The following RTL4 variants were observed in gnomAD, a reference collection of about 807,000 sequenced individuals.
RTL4 encodes the protein retrotransposon Gag-like protein 4.
In RTL4, 4 loss-of-function variants were observed where a neutral mutation model predicts 5.3. The observed-to-expected ratio is 0.75, with a 90% CI of 0.37 to 1.72. RTL4 has a LOEUF of 1.72. Ranked by LOEUF, RTL4 falls within the 40% of genes most tolerant of loss-of-function variation. The pLI is 0.04. For missense variants in RTL4, 260 were observed against 227.1 expected (o/e 1.14, Z -0.93); for synonymous variants, 98 against 87.3 (o/e 1.12, Z -0.68).
At chrX:112,300,649 TTGAG>T in the RTL4 span, among the ~76,000 whole-genome samples, 1 of 112,395 alleles carries the variant, frequency 8.9e-6, no homozygotes, top group Non-Finnish European at 1.9e-5. Context: ...ACCATTTTGC[TTGAG>T]TATTTTCTAA....
At chrX:112,208,320 G>T in the RTL4 span, among the ~76,000 whole-genome samples, 1 of 111,988 alleles carries the variant, frequency 8.9e-6, no homozygotes, top group African/African-American at 3.2e-5. Context: ...CACAAGACAT[G>T]TTTGATCTAA....
At chrX:112,289,773 A>ATGTGTG in the RTL4 span, among the ~76,000 whole-genome samples, 13 of 106,019 alleles carry the variant, frequency 1.2e-4, no homozygotes, top group African/African-American at 4.2e-4. Flanking sequence ...TGTATAATAT[A>ATGTGTG]TGTGTGTGTG....
the RTL4 span, among the ~76,000 whole-genome samples, chrX:112,194,712 C>T: frequency 8.9e-6 from 1 of 111,977 alleles, no homozygotes; most frequent in Admixed American, 9.5e-5. Flanking sequence ...GAACAGGAAA[C>T]CACACACTGA....
chrX:112,334,906 T>C, the RTL4 span, among the ~76,000 whole-genome samples: 1 of 112,033 alleles, frequency 8.9e-6, no homozygotes, highest in Admixed American at 9.5e-5. Context: ...TCTTAATTCA[T>C]AACAATGTTG....
chrX:112,309,870 A>C, the RTL4 span, among the ~76,000 whole-genome samples: 1 of 105,791 alleles, frequency 9.5e-6, no homozygotes, highest in Non-Finnish European at 1.9e-5. Context: ...ACATATATAC[A>C]TACATATATA....
the RTL4 span, among the ~76,000 whole-genome samples, chrX:112,212,684 C>T: frequency 2.7e-5 from 3 of 112,255 alleles, no homozygotes; most frequent in Non-Finnish European, 3.8e-5. Flanking sequence ...TTGCTAATGG[C>T]AAAGTTGAAA....
chrX:112,412,868 G>A, the RTL4 span, among the ~76,000 whole-genome samples: 1 of 111,399 alleles, frequency 9.0e-6, no homozygotes, highest in Non-Finnish European at 1.9e-5. Context: ...ATCACAGTAA[G>A]TTACAAAGCT....
the RTL4 span, among the ~76,000 whole-genome samples, chrX:112,356,713 CT>C: frequency 9.0e-6 from 1 of 110,602 alleles, no homozygotes; most frequent in South Asian, 3.8e-4. Context: ...ATAACTTTAT[CT>C]TGTAAGTAAC....
At chrX:112,419,069 C>A in the RTL4 span, among the ~76,000 whole-genome samples, 1,264 of 98,114 alleles carry the variant, frequency 0.013, 26 homozygotes, top group African/African-American at 0.045. Context: ...ATATATATAT[C>A]TGGTGGTATT....
chrX:112,219,835 C>T, the RTL4 span, among the ~76,000 whole-genome samples: 1 of 111,984 alleles, frequency 8.9e-6, no homozygotes, highest in Non-Finnish European at 1.9e-5. Flanking sequence ...TGGTCTAGAG[C>T]CTCTGCCCCT....
chrX:112,119,292 A>G, the RTL4 span, among the ~76,000 whole-genome samples: 6 of 110,705 alleles, frequency 5.4e-5, no homozygotes, highest in African/African-American at 2.0e-4. Flanking sequence ...GTGTTTTTTT[A>G]AAGGAAAAAT....
At chrX:112,223,855 G>A in the RTL4 span, among the ~76,000 whole-genome samples, 2 of 111,761 alleles carry the variant, frequency 1.8e-5, no homozygotes, top group East Asian at 5.6e-4. Flanking sequence ...TACAGATAAT[G>A]TAACCTAGTG....
chrX:112,361,696 G>T, the RTL4 span, among the ~76,000 whole-genome samples: 1 of 110,830 alleles, frequency 9.0e-6, no homozygotes, highest in South Asian at 3.8e-4. Context: ...TGTCCTCCAT[G>T]AGAAGAGTTC....
the RTL4 span, among the ~76,000 whole-genome samples, chrX:112,105,308 A>G: frequency 8.9e-6 from 1 of 111,873 alleles, no homozygotes; most frequent in African/African-American, 3.2e-5. Flanking sequence ...ATATTTTGAA[A>G]TTAAGTACAG....
chrX:112,179,415 T>C, the RTL4 span, among the ~76,000 whole-genome samples: 1 of 111,746 alleles, frequency 8.9e-6, no homozygotes, highest in Non-Finnish European at 1.9e-5. Context: ...TACTTGTGTA[T>C]GCAAAAATGC....
the RTL4 span, among the ~76,000 whole-genome samples, chrX:112,122,169 T>C: frequency 9.0e-6 from 1 of 111,475 alleles, no homozygotes; most frequent in African/African-American, 3.3e-5. Flanking sequence ...AGCCAAAGTA[T>C]GGAATCAACC....
chrX:112,296,838 C>T, the RTL4 span, among the ~76,000 whole-genome samples: 1 of 107,190 alleles, frequency 9.3e-6, no homozygotes, highest in South Asian at 4.2e-4. Context: ...AGGATGGTCT[C>T]GATCTCCTGA....
the RTL4 span, among the ~76,000 whole-genome samples, chrX:112,439,284 T>C: frequency 8.9e-6 from 1 of 111,961 alleles, no homozygotes; most frequent in Non-Finnish European, 1.9e-5. Flanking sequence ...TTCCTCTATC[T>C]TCTGCAGTAA....
the RTL4 span, among the ~76,000 whole-genome samples, chrX:112,432,551 G>A: frequency 1.0e-4 from 10 of 99,015 alleles, no homozygotes; most frequent in Admixed American, 3.4e-4. Flanking sequence ...GTCTGTTCAT[G>A]TCCTTTGCCC....
Sources: allele counts gnomAD v4.1 joint callset (sites outside exome capture counted in the v4.1 genomes callset), GRCh38; gene constraint gnomAD v4.1.1; transcripts MANE v1.5; gene names NCBI Gene and HGNC (gene_info 2026-07-23, HGNC 2026-07-21).